MED12L: variants seen among roughly 807,000 people sequenced by gnomAD.
MED12L encodes the protein mediator of RNA polymerase II transcription subunit 12-like protein.
A neutral mutation model predicts 281.3 loss-of-function variants in MED12L; 60 were observed. The ratio of observed to expected loss-of-function variants is 0.21; its 90% CI spans 0.17 to 0.26. The LOEUF is 0.26. Ranked by LOEUF, MED12L falls within the 10% of genes least tolerant of loss-of-function variation. The pLI is 1.00. For synonymous variants in MED12L, 974 were observed against 987.2 expected (o/e 0.99, Z 0.25); for missense variants, 2,146 against 2,680.9 (o/e 0.80, Z 4.41).
chr3:151,296,031 G>A (rs1458268244), intron 16 of MED12L, among the ~76,000 whole-genome samples: 1 of 152,112 alleles, frequency 6.6e-6, no homozygotes, highest in East Asian at 1.9e-4. Context: ...CCACAAATGT[G>A]TTTTTGTATA....
chr3:151,364,879 G>A (rs1755080242), intron 21 of MED12L, 100 bp from the exon 22 acceptor site: 6 of 792,024 alleles, frequency 7.6e-6, no homozygotes, highest in Non-Finnish European at 1.1e-5. Flanking sequence ...CTCTAGGAAT[G>A]CATTACAGTT....
chr3:151,199,047 G>C, intron 16 of MED12L: 1 of 1,614,034 alleles, frequency 6.2e-7, no homozygotes, highest in South Asian at 1.1e-5. Flanking sequence ...GTCAGCTGAA[G>C]ACAGCGGTCA....
At chr3:151,360,723 C>T in intron 21 of MED12L, 118 bp downstream of exon 21, 4 of 939,864 alleles carry the variant, frequency 4.3e-6, no homozygotes, top group South Asian at 1.7e-5. Flanking sequence ...ATCTATTAGG[C>T]AGTAATTTTG....
intron 16 of MED12L, chr3:151,300,176 A>G (rs1489888357): frequency 6.1e-6 from 6 of 986,472 alleles, no homozygotes; most frequent in Admixed American, 1.7e-5. Context: ...TGGGTTCAGC[A>G]TAGGTTATTC....
chr3:151,376,361 C>A, intron 28 of MED12L, 147 bp downstream of exon 28: 1 of 645,172 alleles, frequency 1.5e-6, no homozygotes, highest in Non-Finnish European at 2.4e-6. Flanking sequence ...AATTGACATA[C>A]TTTATTTTTG....
At position 151,086,612 on chromosome 3, in the gene MED12L, G is replaced by A. The variant is rs536685452; in HGVS notation, c.-129-186G>A. On this transcript the variant is annotated intron_variant, in intron 1 of 44. Coordinates refer to ENST00000687756, the MANE Select transcript of MED12L (RefSeq NM_001393769.1). ...TCCTCCCCCTGGAGACAAGGTAGGG[G>A]GGAGCAGAGGAGGCAGGCGCCGCGG... The A allele has an allele frequency of 4.0e-5, 10 of 248,344 alleles. No homozygotes were observed. The East Asian group carries it at 7.7e-4, about 19-fold the overall frequency. The allele number at this position is 248,344 out of a possible 1,614,324, so 15.4% of individuals were successfully genotyped here. A position where few individuals can be genotyped will look rare whatever the true frequency, so the allele number is the denominator to read the frequency against.
chr3:151,137,286 A>G (rs972447617), intron 5 of MED12L, among the ~76,000 whole-genome samples: 1 of 152,058 alleles, frequency 6.6e-6, no homozygotes, highest in African/African-American at 2.4e-5. Context: ...ATTTCGTGTT[A>G]AAATTGCCCC....
rs1187748831 is a variant in MED12L, at chr3:151,377,971, A to G, written c.4317-41A>G. 2.6e-6 allele frequency: 4 copies of G among 1,530,554 alleles called. No individual in the cohort carries two copies. In the African/African-American group the frequency reaches 4.1e-5, roughly 16 times the overall value. The allele number at this position is 1,530,554 out of a possible 1,614,324, so 94.8% of individuals were successfully genotyped here. The stretch of plus-strand genomic sequence containing the variant: ...CTGTTATAACTGTGAGAGCAGGGGA[A>G]AGGATGCTTTCTCCGGTGTAACACC... On this transcript the variant is annotated intron_variant, in intron 30 of 44. Coordinates refer to ENST00000687756, the MANE Select transcript of MED12L (RefSeq NM_001393769.1).
chr3:151,306,093 C>T lies in MED12L; in HGVS notation c.2251-43966C>T, dbSNP rs1014876659. 2.0e-5 allele frequency among the ~76,000 whole-genome samples: 3 copies of T among 152,242 alleles called. No individual in the cohort carries two copies. The South Asian group carries it at 6.2e-4, about 32-fold the overall frequency. On this transcript the variant is annotated intron_variant, in intron 16 of 44. Coordinates refer to ENST00000687756, the MANE Select transcript of MED12L (RefSeq NM_001393769.1). ...TCAGTTGATTTGGCAATGATTATTC[C>T]GCTTATCATTTAATCTTATGTGGCT...
chr3:151,319,429 A>G (rs1375847694), intron 16 of MED12L, among the ~76,000 whole-genome samples: 1 of 150,016 alleles, frequency 6.7e-6, no homozygotes, highest in Non-Finnish European at 1.5e-5. Flanking sequence ...CCCCAAATTT[A>G]TTTTAAATAC....
At chr3:151,199,429 T>A (rs1484158212) in intron 16 of MED12L, 15 of 1,520,770 alleles carry the variant, frequency 9.9e-6, no homozygotes, top group Non-Finnish European at 1.3e-5. Flanking sequence ...AAAGAAAAAA[T>A]TTCTAAGACT....
At chr3:151,257,301 G>A (rs950017605) in intron 16 of MED12L, among the ~76,000 whole-genome samples, 3 of 152,180 alleles carry the variant, frequency 2.0e-5, no homozygotes, top group East Asian at 1.9e-4. Context: ...TTTCCACTGC[G>A]TATTAATCTC....
Position 151,383,330 on chromosome 3 carries a change from T to C in MED12L, c.4681-449T>C, listed in dbSNP as rs1399210345. ...TGGTAGGTGTGCGGGCCAAGCCTCC[T>C]GCCCACCACTGCTGTGATAGTGGAT... is the stretch of plus-strand genomic sequence containing the variant. On this transcript the variant is annotated intron_variant, in intron 33 of 44. Coordinates refer to ENST00000687756, the MANE Select transcript of MED12L (RefSeq NM_001393769.1). Among the ~76,000 whole-genome samples, 7 of 152,250 alleles carry C rather than the reference T, an allele frequency of 4.6e-5. No homozygotes were observed. The East Asian group carries it at 1.3e-3, about 29-fold the overall frequency.
chr3:151,314,798 G>C (rs1748019321), intron 16 of MED12L, among the ~76,000 whole-genome samples: 1 of 152,162 alleles, frequency 6.6e-6, no homozygotes, highest in Non-Finnish European at 1.5e-5. Flanking sequence ...AGAGATGCAA[G>C]GGGCCTCTAA....
intron 27 of MED12L, 134 bp downstream of exon 27, chr3:151,372,900 T>C: frequency 1.6e-6 from 1 of 641,596 alleles, no homozygotes; most frequent in Admixed American, 3.3e-5. Flanking sequence ...TAATTTTAAG[T>C]TTGCTGAAAA....
At chr3:151,105,779 C>T in intron 2 of MED12L, among the ~76,000 whole-genome samples, 1 of 152,158 alleles carries the variant, frequency 6.6e-6, no homozygotes, top group Non-Finnish European at 1.5e-5. Flanking sequence ...CTAGACTTCT[C>T]TAGACCTGTA....
intron 11 of MED12L, among the ~76,000 whole-genome samples, chr3:151,177,207 C>T (rs766313869): frequency 3.0e-4 from 45 of 152,172 alleles, no homozygotes; most frequent in Non-Finnish European, 4.0e-4. Context: ...AATGGCTGGC[C>T]GGAGTGGTGC....
At chr3:151,182,825 A>T (rs1034025863) in intron 11 of MED12L, among the ~76,000 whole-genome samples, 2 of 152,078 alleles carry the variant, frequency 1.3e-5, no homozygotes, top group African/African-American at 4.8e-5. Flanking sequence ...CAGGGAGCGG[A>T]TGGGTTTTAG....
chr3:151,248,579 G>A (rs917175680), intron 16 of MED12L, among the ~76,000 whole-genome samples: 4 of 152,022 alleles, frequency 2.6e-5, no homozygotes, highest in African/African-American at 9.7e-5. Flanking sequence ...CCATCCGACT[G>A]TCTGGATAAT....
Sources: allele counts gnomAD v4.1 joint callset (sites outside exome capture counted in the v4.1 genomes callset), GRCh38; gene constraint gnomAD v4.1.1; transcripts MANE v1.5; gene names NCBI Gene and HGNC (gene_info 2026-07-23, HGNC 2026-07-21).